Variants in NEGR1 observed in about 807,000 individuals in gnomAD.
NEGR1 encodes neuronal growth regulator 1, also known as IgLON family member 4.
A neutral mutation model predicts 40.9 loss-of-function variants in NEGR1; 10 were observed. The ratio of observed to expected loss-of-function variants is 0.24; its 90% confidence interval spans 0.15 to 0.42. The LOEUF (loss-of-function observed/expected upper bound fraction) is 0.42. NEGR1 is among the 10% of genes least tolerant of loss of function. The pLI, the probability that NEGR1 is intolerant of heterozygous loss-of-function variation, is 1.00. For missense variants in NEGR1, 352 were observed against 438.9 expected, an observed-to-expected ratio of 0.80 and a Z score of 1.77; for synonymous variants, 185 against 166.8, an observed-to-expected ratio of 1.11 and a Z score of -0.84.
At chr1:72,130,825 T>C (rs2630408) in intron 1 of NEGR1, among the ~76,000 whole-genome samples, 37,794 of 152,090 alleles carry the variant, frequency 0.25, 5,095 homozygotes, top group African/African-American at 0.34. Context: ...GCTATCTCTA[T>C]ATTATCTATA....
At chr1:71,897,127 C>T (rs931001690) in intron 2 of NEGR1, among the ~76,000 whole-genome samples, 11 of 151,844 alleles carry the variant, frequency 7.2e-5, no homozygotes, top group Admixed American at 3.9e-4. Flanking sequence ...TCTCTGTTCA[C>T]GCTTAAAGTA....
intron 1 of NEGR1, among the ~76,000 whole-genome samples, chr1:72,159,229 G>T (rs947539979): frequency 6.6e-6 from 1 of 152,120 alleles, no homozygotes; most frequent in Non-Finnish European, 1.5e-5. Flanking sequence ...GTATTTAAGA[G>T]TAAGAAGAGT....
chr1:72,011,551 G>A (rs150305991), intron 1 of NEGR1, among the ~76,000 whole-genome samples: 11 of 152,216 alleles, frequency 7.2e-5, no homozygotes, highest in South Asian at 2.1e-4. Context: ...GATCAAGCAA[G>A]ATACCAAAGG....
chr1:72,201,138 C>T (rs1653190215), intron 1 of NEGR1, among the ~76,000 whole-genome samples: 1 of 151,620 alleles, frequency 6.6e-6, no homozygotes, highest in Admixed American at 6.6e-5. Context: ...GTGGAAATGA[C>T]AGATAATTGT....
In NEGR1 at chr1:71,830,761, T is replaced by C. The variant is rs546306804; in HGVS notation, c.410-54464A>G. Among the ~76,000 whole-genome samples, 3 of 152,082 alleles carry C rather than the reference T, an allele frequency of 2.0e-5. No homozygotes were observed. In the South Asian group the frequency reaches 6.2e-4, roughly 32 times the overall value. On this transcript the variant is annotated intron_variant, in intron 2 of 6. Transcript: ENST00000357731. ...CCCTCTCTCAGCCACTTTGTAAACT[T>C]TGTAAAGTTTAGATTTTAGTTGTTA...
intron 1 of NEGR1, among the ~76,000 whole-genome samples, chr1:71,987,567 C>A (rs956063470): frequency 6.6e-6 from 1 of 152,144 alleles, no homozygotes; most frequent in African/African-American, 2.4e-5. Flanking sequence ...AACATGAAGG[C>A]GCCTAGTGGT....
At chr1:72,045,295 G>A (rs1646990907) in intron 1 of NEGR1, among the ~76,000 whole-genome samples, 1 of 151,730 alleles carries the variant, frequency 6.6e-6, no homozygotes, top group African/African-American at 2.4e-5. Flanking sequence ...TCATCAATTG[G>A]AAACTAGAAA....
intron 2 of NEGR1, among the ~76,000 whole-genome samples, chr1:71,818,591 T>C (rs1003742996): frequency 6.6e-6 from 1 of 151,986 alleles, no homozygotes; most frequent in Non-Finnish European, 1.5e-5. Flanking sequence ...ACCATGCTTA[T>C]TACTTGGGTG....
At chr1:71,808,765 A>C (rs1030168443) in intron 2 of NEGR1, among the ~76,000 whole-genome samples, 1 of 151,994 alleles carries the variant, frequency 6.6e-6, no homozygotes, top group Non-Finnish European at 1.5e-5. Flanking sequence ...AAAATGAGAC[A>C]TTTTTTTTCA....
intron 1 of NEGR1, among the ~76,000 whole-genome samples, chr1:72,056,787 T>A (rs1038649071): frequency 6.6e-6 from 1 of 151,476 alleles, no homozygotes; most frequent in Non-Finnish European, 1.5e-5. Flanking sequence ...AACATGAAAG[T>A]TTTGTTTTGA....
intron 2 of NEGR1, among the ~76,000 whole-genome samples, chr1:71,858,981 C>T (rs1174415167): frequency 1.3e-5 from 2 of 152,010 alleles, no homozygotes; most frequent in Non-Finnish European, 2.9e-5. Flanking sequence ...GGTCGTTCCT[C>T]CCTGATTTTG....
chr1:71,911,729 GAGAA>G (rs1189176710), intron 2 of NEGR1, among the ~76,000 whole-genome samples: 2 of 152,274 alleles, frequency 1.3e-5, no homozygotes, highest in Admixed American at 6.5e-5. Flanking sequence ...CAGGTATATT[GAGAA>G]AGAAAGAAAG....
chr1:72,195,407 C>A (rs923945718), intron 1 of NEGR1, among the ~76,000 whole-genome samples: 3 of 151,860 alleles, frequency 2.0e-5, no homozygotes, highest in South Asian at 2.1e-4. Context: ...GCATAAAATT[C>A]TTTTAAAAGT....
intron 1 of NEGR1, among the ~76,000 whole-genome samples, chr1:72,262,637 T>A (rs1655497605): frequency 6.6e-6 from 1 of 151,912 alleles, no homozygotes; most frequent in Non-Finnish European, 1.5e-5. Context: ...TCTCCTTCAC[T>A]CAAAAAGCAA....
intron 2 of NEGR1, among the ~76,000 whole-genome samples, chr1:71,908,622 C>A (rs1435567959): frequency 2.0e-5 from 3 of 152,168 alleles, no homozygotes; most frequent in African/African-American, 4.8e-5. Flanking sequence ...TCACTTGATT[C>A]TTTCTGTTAC....
At chr1:72,209,218 T>C (rs1354758620) in intron 1 of NEGR1, among the ~76,000 whole-genome samples, 3 of 151,562 alleles carry the variant, frequency 2.0e-5, no homozygotes, top group Admixed American at 6.6e-5. Context: ...ATTAGAAAAA[T>C]AGTATATGAT....
chr1:71,714,234 C>A (rs1159617352), intron 3 of NEGR1, among the ~76,000 whole-genome samples: 1 of 152,132 alleles, frequency 6.6e-6, no homozygotes, highest in Non-Finnish European at 1.5e-5. Flanking sequence ...ATCATGAGAA[C>A]AGGATGGGGA....
At chr1:71,534,900 T>A (rs1323771628) in intron 6 of NEGR1, among the ~76,000 whole-genome samples, 1 of 151,556 alleles carries the variant, frequency 6.6e-6, no homozygotes, top group African/African-American at 2.4e-5. Context: ...TTAACAAAAT[T>A]TTAAATAAAA....
In NEGR1 at chr1:71,974,323, T is replaced by A; in HGVS notation, c.177-39012A>T. ...CAGATTAGGTTCACATTAATATGTA[T>A]TCTTATGAAAATAAACAAAATGAAT... On this transcript the variant is annotated intron_variant, in intron 1 of 6. Coordinates refer to ENST00000357731, the MANE Select transcript of NEGR1 (RefSeq NM_173808.3). 1.3e-5 allele frequency among the ~76,000 whole-genome samples: 2 copies of A among 152,198 alleles called. 1 individual carries two copies.
Sources: gnomAD v4.1 joint callset for allele counts (sites outside exome capture counted in the v4.1 genomes callset) on GRCh38, gnomAD v4.1.1 for gene constraint, MANE v1.5 for transcripts, NCBI Gene and HGNC (gene_info 2026-07-23, HGNC 2026-07-21) for gene names.